Variants in CNTNAP5 observed in about 807,000 individuals in gnomAD.
CNTNAP5 encodes the protein contactin associated protein family member 5, also known as contactin-associated protein-like 5.
Under a neutral mutation model 150.2 loss-of-function variants are expected in CNTNAP5, and 72 were observed. The ratio of observed to expected loss-of-function variants is 0.48; its 90% CI spans 0.40 to 0.58. The LOEUF is 0.58. Among genes scored for constraint, CNTNAP5 ranks in the 20% least tolerant of loss-of-function variants. The pLI, the probability that CNTNAP5 is intolerant of heterozygous loss-of-function variation, is 0.00. For synonymous variants in CNTNAP5, 672 were observed against 619.8 expected, an observed-to-expected ratio of 1.08 and a Z score of -1.25; for missense variants, 1,636 against 1,626.2, an observed-to-expected ratio of 1.01 and a Z score of -0.10.
At chr2:124,669,008 A>C (rs2105054606) in intron 13 of CNTNAP5, among the ~76,000 whole-genome samples, 1 of 152,216 alleles carries the variant, frequency 6.6e-6, no homozygotes, top group East Asian at 1.9e-4. Flanking sequence ...GTAACATTAC[A>C]TTTTGCTTTA....
In CNTNAP5 at chr2:124,663,870, G is replaced by A. The variant is rs116115055; in HGVS notation, c.2077+15912G>A. On this transcript the variant is annotated intron_variant, in intron 13 of 23. Coordinates refer to ENST00000682447, the MANE Select transcript of CNTNAP5 (RefSeq NM_001367498.1). ...CCTTCTTAAAGGAAGACAGGGATAT[G>A]GTGGCAATGGGAGCTCAGAGTTGGC... Among the ~76,000 whole-genome samples, 1,041 of 152,240 alleles carry A rather than the reference G, an allele frequency of 6.8e-3. 15 individuals carry two copies. The highest frequency in any genetic ancestry group is 0.024 in the African/African-American group (1,006 of 41,544).
At chr2:124,567,763 A>G (rs1696057046) in intron 11 of CNTNAP5, among the ~76,000 whole-genome samples, 1 of 152,154 alleles carries the variant, frequency 6.6e-6, no homozygotes, top group Admixed American at 6.5e-5. Context: ...GGTATGTCAT[A>G]TCTACTTTAT....
chr2:124,529,058 G>GT lies in CNTNAP5; in HGVS notation c.1649+1616dup, dbSNP rs777056828. Among the ~76,000 whole-genome samples the GT allele has an allele frequency of 5.0e-3, 710 of 140,640 alleles. 3 individuals carry two copies. Among genetic ancestry groups the GT allele is most frequent in the Non-Finnish European group, 5.4e-3 (351 of 64,414 alleles). The allele number at this position is 140,640 out of a possible 152,430, so 92.3% of individuals were successfully genotyped here. ...GCAGATTTTCTGGCTCTTCTGCTTTGTTTTTTTTTTTTTTCTATTTGACCA... is the reference window on the plus strand; with the variant it reads ...GCAGATTTTCTGGCTCTTCTGCTTTGTTTTTTTTTTTTTTTCTATTTGACCA... On this transcript the variant is annotated intron_variant, in intron 10 of 23. Coordinates refer to ENST00000682447, the MANE Select transcript of CNTNAP5 (RefSeq NM_001367498.1).
chr2:124,056,431 T>C lies in CNTNAP5; in HGVS notation c.82+30699T>C, dbSNP rs977822083. Among the ~76,000 whole-genome samples the C allele has an allele frequency of 3.3e-5, 5 of 152,088 alleles. No homozygotes were observed. In the East Asian group the frequency reaches 7.8e-4, roughly 24 times the overall value. On this transcript the variant is annotated intron_variant, in intron 1 of 23. Coordinates refer to ENST00000682447, the MANE Select transcript of CNTNAP5 (RefSeq NM_001367498.1). ...CGAGGTCAGGAGATCCAGAACATCC[T>C]GCCTAACACGGTGAAACCCCGTCTA...
intron 12 of CNTNAP5, among the ~76,000 whole-genome samples, chr2:124,626,862 T>A (rs1186230580): frequency 6.6e-6 from 1 of 151,980 alleles, no homozygotes; most frequent in Non-Finnish European, 1.5e-5. Flanking sequence ...GACCACTGAG[T>A]TCCCGGTGGG....
chr2:124,402,354 A>G (rs1430261), intron 3 of CNTNAP5, among the ~76,000 whole-genome samples: 12,965 of 152,190 alleles, frequency 0.085, 707 homozygotes, highest in East Asian at 0.24. Flanking sequence ...CAGAGGCATA[A>G]ACAAATACAC....
At chr2:124,891,888 C>T (rs1017427269) in intron 21 of CNTNAP5, among the ~76,000 whole-genome samples, 6 of 152,186 alleles carry the variant, frequency 3.9e-5, no homozygotes, top group African/African-American at 1.4e-4. Flanking sequence ...GACCATGTAC[C>T]AAAAGCAGAA....
At chr2:124,103,920 A>G (rs1677625452) in intron 1 of CNTNAP5, among the ~76,000 whole-genome samples, 1 of 147,738 alleles carries the variant, frequency 6.8e-6, no homozygotes, top group Non-Finnish European at 1.5e-5. Context: ...ATTTCTATAT[A>G]GATTATATAT....
At position 124,407,577 on chromosome 2, in the gene CNTNAP5, G is replaced by A. The variant is rs1004250510; in HGVS notation, c.382-9866G>A. Among the ~76,000 whole-genome samples the A allele has an allele frequency of 2.0e-5, 3 of 152,110 alleles. No homozygotes were observed. The East Asian group carries it at 5.8e-4, about 29-fold the overall frequency. The stretch of plus-strand genomic sequence containing the variant: ...GGTACTTCAATACCCTTCTTCACAG[G>A]GGAAAGGGAGATGGCAGAAATGTGG... On this transcript the variant is annotated intron_variant, in intron 3 of 23. Coordinates refer to ENST00000682447, the MANE Select transcript of CNTNAP5 (RefSeq NM_001367498.1).
intron 1 of CNTNAP5, among the ~76,000 whole-genome samples, chr2:124,058,457 T>C (rs1414153631): frequency 6.6e-6 from 1 of 151,998 alleles, no homozygotes; most frequent in Non-Finnish European, 1.5e-5. Context: ...ATCAATCATC[T>C]CTCCCTTAGT....
intron 3 of CNTNAP5, among the ~76,000 whole-genome samples, chr2:124,317,000 C>T (rs923847261): frequency 2.6e-5 from 4 of 151,910 alleles, no homozygotes; most frequent in Admixed American, 6.6e-5. Context: ...TTTAGAATCC[C>T]GAATGATCTG....
chr2:124,508,726 T>C (rs895627495), intron 8 of CNTNAP5, among the ~76,000 whole-genome samples: 1 of 152,216 alleles, frequency 6.6e-6, no homozygotes, highest in African/African-American at 2.4e-5. Context: ...TCTTGTATAA[T>C]TCTCTCCTAA....
At chr2:124,851,408 T>C (rs1683152703) in intron 19 of CNTNAP5, among the ~76,000 whole-genome samples, 1 of 152,122 alleles carries the variant, frequency 6.6e-6, no homozygotes, top group Admixed American at 6.6e-5. Context: ...AAAATGCTAA[T>C]GGGAATTATA....
chr2:124,255,580 A>G (rs898903625), intron 3 of CNTNAP5, among the ~76,000 whole-genome samples: 3 of 43,190 alleles, frequency 6.9e-5, no homozygotes, highest in Non-Finnish European at 1.4e-4. Flanking sequence ...AAAATAAAAT[A>G]AAATAATAAT....
intron 14 of CNTNAP5, among the ~76,000 whole-genome samples, chr2:124,755,740 T>G (rs1182446819): frequency 6.6e-6 from 1 of 152,216 alleles, no homozygotes; most frequent in Non-Finnish European, 1.5e-5. Context: ...TTTGCACATC[T>G]GTCTTATAGG....
At chr2:124,583,903 G>A (rs921791788) in intron 11 of CNTNAP5, among the ~76,000 whole-genome samples, 1 of 152,140 alleles carries the variant, frequency 6.6e-6, no homozygotes, top group African/African-American at 2.4e-5. Context: ...ATGACAACAG[G>A]AAGTTCCATG....
intron 7 of CNTNAP5, among the ~76,000 whole-genome samples, chr2:124,495,324 G>T (rs1694118467): frequency 1.3e-5 from 2 of 152,202 alleles, no homozygotes; most frequent in African/African-American, 2.4e-5. Context: ...GTGTCAAAAG[G>T]AGTATTAATA....
At chr2:124,487,754 A>T (rs1421043181) in intron 7 of CNTNAP5, among the ~76,000 whole-genome samples, 1 of 152,056 alleles carries the variant, frequency 6.6e-6, no homozygotes, top group Non-Finnish European at 1.5e-5. Context: ...TCAAACTTTT[A>T]ATTCCTTATG....
chr2:124,591,285 A>G (rs944438653), intron 11 of CNTNAP5, among the ~76,000 whole-genome samples: 1 of 152,128 alleles, frequency 6.6e-6, no homozygotes, highest in Non-Finnish European at 1.5e-5. Context: ...TTCCTCAAAG[A>G]TGACCTTCAA....
Sources: gnomAD v4.1 joint callset for allele counts (sites outside exome capture counted in the v4.1 genomes callset) on GRCh38, gnomAD v4.1.1 for gene constraint, MANE v1.5 for transcripts, NCBI Gene and HGNC (gene_info 2026-07-23, HGNC 2026-07-21) for gene names.